The following CDH18 variants were observed in gnomAD, a reference collection of about 807,000 sequenced individuals.
CDH18 encodes cadherin-18.
Under a neutral mutation model 67.9 loss-of-function variants are expected in CDH18, and 31 were observed. The ratio of observed to expected loss-of-function variants is 0.46; its 90% CI spans 0.34 to 0.62. CDH18 has a LOEUF of 0.62. Ranked by LOEUF, CDH18 falls within the 20% of genes least tolerant of loss-of-function variation. The probability of loss-of-function intolerance (pLI) is 0.01; values close to 1 mark genes in which losing one functional copy is unlikely to be tolerated. For synonymous variants in CDH18, 362 were observed against 347.2 expected, an observed-to-expected ratio of 1.04 and a Z score of -0.48; for missense variants, 890 against 975.5, an observed-to-expected ratio of 0.91 and a Z score of 1.17.
At chr5:20,232,945 C>G (rs1054348053) in intron 2 of CDH18, among the ~76,000 whole-genome samples, 1 of 151,772 alleles carries the variant, frequency 6.6e-6, no homozygotes, top group Admixed American at 6.6e-5. Flanking sequence ...AATAGCCAAC[C>G]AGATTATTCA....
intron 2 of CDH18, among the ~76,000 whole-genome samples, chr5:19,914,577 T>G (rs1911848): frequency 0.013 from 1,950 of 152,182 alleles, 37 homozygotes; most frequent in African/African-American, 0.045. Context: ...TATGTGTGAG[T>G]GTATATGTAT....
At chr5:19,689,498 AC>A (rs1761563078) in intron 5 of CDH18, among the ~76,000 whole-genome samples, 1 of 152,022 alleles carries the variant, frequency 6.6e-6, no homozygotes, top group South Asian at 2.1e-4. Context: ...GGAATTTATA[AC>A]TATTAGATCA....
intron 2 of CDH18, among the ~76,000 whole-genome samples, chr5:20,142,581 GA>G (rs1441172760): frequency 1.5e-3 from 194 of 128,428 alleles, no homozygotes; most frequent in Admixed American, 1.6e-3. Context: ...CTCTGCCTCA[GA>G]AAAAAAAAAA....
At chr5:20,194,703 TG>T (rs1738830904) in intron 2 of CDH18, among the ~76,000 whole-genome samples, 1 of 152,012 alleles carries the variant, frequency 6.6e-6, no homozygotes, top group Non-Finnish European at 1.5e-5. Context: ...ACCATCTAGA[TG>T]TAAGGAGAAA....
chr5:19,774,808 CAAAAAAAAAAAAAAAAAAAAAAA>C (rs59248561), intron 3 of CDH18, among the ~76,000 whole-genome samples: 13 of 35,416 alleles, frequency 3.7e-4, no homozygotes, highest in East Asian at 4.0e-3. Context: ...GACTCTGTCT[CAAAAAAAAAAAAAAAAAAAAAAA>C]AAAAAAAAAA....
At chr5:19,551,117 G>A (rs1737372133) in intron 8 of CDH18, among the ~76,000 whole-genome samples, 1 of 152,142 alleles carries the variant, frequency 6.6e-6, no homozygotes, top group African/African-American at 2.4e-5. Flanking sequence ...TGGGAAAAAT[G>A]TCAAGGATGT....
intron 11 of CDH18, among the ~76,000 whole-genome samples, chr5:19,486,794 C>CTAAATAAATAAA (rs199784033): frequency 6.7e-6 from 1 of 150,356 alleles, no homozygotes; most frequent in South Asian, 2.1e-4. Flanking sequence ...GACTCTGTCT[C>CTAAATAAATAAA]TAAATAAATA....
chr5:19,578,318 T>A (rs959246378), intron 7 of CDH18, among the ~76,000 whole-genome samples: 2 of 152,158 alleles, frequency 1.3e-5, no homozygotes, highest in African/African-American at 4.8e-5. Context: ...CTTAGTGAAT[T>A]ATTGGGTCTG....
chr5:19,948,378 T>C (rs770436475), intron 2 of CDH18, among the ~76,000 whole-genome samples: 6 of 152,150 alleles, frequency 3.9e-5, no homozygotes, highest in Non-Finnish European at 7.4e-5. Context: ...TTAAACAAAC[T>C]GAATTATCTA....
chr5:19,725,148 G>A (rs1029644402), intron 4 of CDH18, among the ~76,000 whole-genome samples: 15 of 151,908 alleles, frequency 9.9e-5, no homozygotes, highest in Non-Finnish European at 1.6e-4. Flanking sequence ...GGATAGTCTC[G>A]ATCTCCTGAC....
At chr5:19,615,995 T>C (rs112955211) in intron 5 of CDH18, among the ~76,000 whole-genome samples, 1 of 152,140 alleles carries the variant, frequency 6.6e-6, no homozygotes, top group African/African-American at 2.4e-5. Context: ...CATAAACATC[T>C]ACATATGGGT....
intron 3 of CDH18, among the ~76,000 whole-genome samples, chr5:19,829,434 C>T (rs928416787): frequency 6.6e-6 from 1 of 151,888 alleles, no homozygotes; most frequent in Admixed American, 6.6e-5. Context: ...AAGCTAAGAG[C>T]CAAAACAATA....
chr5:20,205,963 C>G (rs1739848791), intron 2 of CDH18, among the ~76,000 whole-genome samples: 1 of 151,300 alleles, frequency 6.6e-6, no homozygotes, highest in Non-Finnish European at 1.5e-5. Context: ...TAAATCAAAC[C>G]CAGAATTAAT....
At chr5:20,252,454 T>C (rs1743931940) in intron 2 of CDH18, among the ~76,000 whole-genome samples, 1 of 152,104 alleles carries the variant, frequency 6.6e-6, no homozygotes, top group Non-Finnish European at 1.5e-5. Flanking sequence ...CTATTATAAT[T>C]AGTTGGTATT....
At chr5:20,343,425 G>A (rs74632117) in intron 1 of CDH18, among the ~76,000 whole-genome samples, 3,247 of 152,232 alleles carry the variant, frequency 0.021, 84 homozygotes, top group African/African-American at 0.055. Flanking sequence ...TGAATGAAGG[G>A]AATGCCATGT....
At chr5:20,181,059 T>C (rs1322912693) in intron 2 of CDH18, among the ~76,000 whole-genome samples, 1 of 152,138 alleles carries the variant, frequency 6.6e-6, no homozygotes, top group Non-Finnish European at 1.5e-5. Context: ...GAACTTCTCC[T>C]GGTACATCTT....
intron 1 of CDH18, among the ~76,000 whole-genome samples, chr5:20,496,850 C>T (rs554276178): frequency 4.7e-4 from 72 of 151,744 alleles, no homozygotes; most frequent in African/African-American, 1.7e-3. Flanking sequence ...GGGATAAAGG[C>T]ATTAAACATA....
chr5:20,346,139 C>G (rs1164374667), intron 1 of CDH18, among the ~76,000 whole-genome samples: 1 of 152,128 alleles, frequency 6.6e-6, no homozygotes, highest in Non-Finnish European at 1.5e-5. Flanking sequence ...CATGGGGGGA[C>G]TACCCACCTC....
At chr5:20,186,161 C>A (rs1738084427) in intron 2 of CDH18, among the ~76,000 whole-genome samples, 1 of 151,866 alleles carries the variant, frequency 6.6e-6, no homozygotes, top group South Asian at 2.1e-4. Context: ...AAAACTTGAT[C>A]AAAGACCTTA....
Sources: allele counts gnomAD v4.1 joint callset (sites outside exome capture counted in the v4.1 genomes callset), GRCh38; gene constraint gnomAD v4.1.1; transcripts MANE v1.5; gene names NCBI Gene and HGNC (gene_info 2026-07-23, HGNC 2026-07-21).